DAB1: variants seen among roughly 807,000 people sequenced by gnomAD.
DAB1 encodes disabled homolog 1.
DAB1 carries 15 observed loss-of-function variants against 64.6 expected under a neutral mutation model. The observed-to-expected ratio is 0.23, with a 90% CI of 0.16 to 0.36. The LOEUF (loss-of-function observed/expected upper bound fraction) is 0.36, where lower values mean the gene tolerates loss of function less well. Among genes scored for constraint, DAB1 ranks in the 10% least tolerant of loss-of-function variants. The pLI, the probability that DAB1 is intolerant of heterozygous loss-of-function variation, is 1.00. For synonymous variants in DAB1, 235 were observed against 251.9 expected (o/e 0.93, Z 0.64); for missense variants, 596 against 706.7 (o/e 0.84, Z 1.78).
At chr1:57,773,464 AT>A (rs758523439) in intron 6 of DAB1, among the ~76,000 whole-genome samples, 1 of 151,816 alleles carries the variant, frequency 6.6e-6, no homozygotes, top group African/African-American at 2.4e-5. Flanking sequence ...CTTGTCTTTC[AT>A]TTCCTTAACA....
chr1:57,701,267 C>T (rs1646904870), intron 6 of DAB1, among the ~76,000 whole-genome samples: 1 of 151,968 alleles, frequency 6.6e-6, no homozygotes, highest in East Asian at 1.9e-4. Flanking sequence ...ATGTTTATTG[C>T]AGCACTAGTC....
At chr1:58,050,002 A>G (rs866089304) in intron 5 of DAB1, among the ~76,000 whole-genome samples, 1 of 152,204 alleles carries the variant, frequency 6.6e-6, no homozygotes, top group South Asian at 2.1e-4. Flanking sequence ...AGGGAACTCT[A>G]AAGAAGTGAT....
chr1:58,098,535 G>C (rs1370700303), intron 5 of DAB1, among the ~76,000 whole-genome samples: 1 of 152,106 alleles, frequency 6.6e-6, no homozygotes, highest in Admixed American at 6.5e-5. Context: ...CACTGAACCA[G>C]GAGTCATGAA....
Position 57,812,068 on chromosome 1 carries a change from A to G in DAB1, n.551+71931T>C, listed in dbSNP as rs1252291063. Among the ~76,000 whole-genome samples the G allele has an allele frequency of 2.6e-5, 4 of 152,284 alleles. No individual in the cohort carries two copies. In the East Asian group the frequency reaches 5.8e-4, roughly 22 times the overall value. ...CACCTCTCCTTTTTAAATTTAGGAAATAGAATTTCCTCTTCTGAATGGCAA... is the reference window on the plus strand; with the variant it reads ...CACCTCTCCTTTTTAAATTTAGGAAGTAGAATTTCCTCTTCTGAATGGCAA... On this transcript the variant is annotated intron_variant and non_coding_transcript_variant, in intron 6 of 20. Transcript: ENST00000485760.
chr1:57,917,163 T>C (rs761802050), intron 5 of DAB1, among the ~76,000 whole-genome samples: 9 of 152,110 alleles, frequency 5.9e-5, no homozygotes, highest in Non-Finnish European at 1.2e-4. Context: ...CTCCTGACTT[T>C]TCTCTCCCAT....
At chr1:57,913,547 G>A (rs537337799) in intron 5 of DAB1, among the ~76,000 whole-genome samples, 3 of 152,208 alleles carry the variant, frequency 2.0e-5, no homozygotes, top group Non-Finnish European at 2.9e-5. Context: ...AGGACTTCAT[G>A]TCTAAAACAC....
intron 2 of DAB1, among the ~76,000 whole-genome samples, chr1:58,523,931 T>C (rs891105102): frequency 2.6e-5 from 4 of 152,140 alleles, no homozygotes; most frequent in African/African-American, 9.7e-5. Flanking sequence ...CAGCCTTTAC[T>C]GGCAAGATAA....
chr1:57,936,863 A>T (rs1029858826), intron 5 of DAB1, among the ~76,000 whole-genome samples: 10 of 152,122 alleles, frequency 6.6e-5, no homozygotes, highest in Non-Finnish European at 1.0e-4. Flanking sequence ...TTGCTGAGCC[A>T]TCCAATTTCA....
intron 3 of DAB1, among the ~76,000 whole-genome samples, chr1:58,382,769 T>C (rs1644401271): frequency 1.3e-5 from 2 of 152,232 alleles, no homozygotes; most frequent in South Asian, 4.1e-4. Flanking sequence ...CAAAATGACC[T>C]TGAGCTGTGT....
At chr1:57,859,540 T>C (rs1653912005) in intron 1 of DAB1, among the ~76,000 whole-genome samples, 1 of 152,148 alleles carries the variant, frequency 6.6e-6, no homozygotes, top group African/African-American at 2.4e-5. Flanking sequence ...AGCTAGAAAG[T>C]GGTAGACCAG....
intron 6 of DAB1, among the ~76,000 whole-genome samples, chr1:57,800,550 T>C (rs1651074682): frequency 6.6e-6 from 1 of 152,162 alleles, no homozygotes; most frequent in African/African-American, 2.4e-5. Flanking sequence ...TCATACACCT[T>C]CCCCATGCGA....
intron 4 of DAB1, among the ~76,000 whole-genome samples, chr1:58,206,324 G>A (rs1658282498): frequency 6.6e-6 from 1 of 152,226 alleles, no homozygotes; most frequent in Non-Finnish European, 1.5e-5. Flanking sequence ...TCAGTGAGCA[G>A]AGGGATGAAT....
intron 3 of DAB1, among the ~76,000 whole-genome samples, chr1:58,416,187 T>C (rs890969658): frequency 6.6e-5 from 10 of 152,122 alleles, no homozygotes; most frequent in Admixed American, 5.2e-4. Context: ...AGAGCCTCAA[T>C]TGTACTCTGA....
At chr1:57,932,201 T>C (rs1644963156) in intron 5 of DAB1, among the ~76,000 whole-genome samples, 1 of 152,206 alleles carries the variant, frequency 6.6e-6, no homozygotes, top group African/African-American at 2.4e-5. Flanking sequence ...CAGATATCGA[T>C]TGTATGATTT....
At chr1:58,339,827 G>T (rs1663208941) in intron 4 of DAB1, among the ~76,000 whole-genome samples, 1 of 152,056 alleles carries the variant, frequency 6.6e-6, no homozygotes, top group East Asian at 1.9e-4. Context: ...ACACTATTCA[G>T]CTTATTAATA....
chr1:57,559,917 C>A (rs1645031964), intron 7 of DAB1, among the ~76,000 whole-genome samples: 1 of 152,198 alleles, frequency 6.6e-6, no homozygotes, highest in Non-Finnish European at 1.5e-5. Flanking sequence ...GGTGGTGATT[C>A]CCACCACATC....
intron 5 of DAB1, among the ~76,000 whole-genome samples, chr1:57,969,940 C>T (rs1418914065): frequency 2.6e-5 from 4 of 152,006 alleles, no homozygotes; most frequent in Admixed American, 2.6e-4. Context: ...GAGGTGGGGC[C>T]TTTAGTAAGT....
chr1:58,408,488 C>T (rs1270359173), intron 3 of DAB1, among the ~76,000 whole-genome samples: 1 of 152,212 alleles, frequency 6.6e-6, no homozygotes, highest in Non-Finnish European at 1.5e-5. Context: ...AGCAAGGATT[C>T]TCCAGTGTTC....
chr1:58,333,483 G>A (rs56355413), intron 4 of DAB1, among the ~76,000 whole-genome samples: 5,288 of 152,356 alleles, frequency 0.035, 119 homozygotes, highest in Middle Eastern at 0.054. Context: ...AAGTCTGGAA[G>A]AAAAGATGCA....
Sources: gnomAD v4.1 joint callset for allele counts (sites outside exome capture counted in the v4.1 genomes callset) on GRCh38, gnomAD v4.1.1 for gene constraint, MANE v1.5 for transcripts, NCBI Gene and HGNC (gene_info 2026-07-23, HGNC 2026-07-21) for gene names.